Variants in HSF5 observed in about 807,000 individuals in gnomAD.
The protein encoded by HSF5 is heat shock factor protein 5.
HSF5 carries 5 observed loss-of-function variants against 50.8 expected under a neutral mutation model. The ratio of observed to expected loss-of-function variants is 0.10; its 90% CI spans 0.05 to 0.21. The LOEUF (loss-of-function observed/expected upper bound fraction) is 0.21. Ranked by LOEUF, HSF5 falls within the 10% of genes least tolerant of loss-of-function variation. HSF5 has a pLI of 1.00. For missense variants in HSF5, 564 were observed against 762.6 expected (o/e 0.74, Z 3.07); for synonymous variants, 307 against 307.4 (o/e 1.00, Z 0.02).
intron 5 of HSF5, among the ~76,000 whole-genome samples, chr17:58,422,751 G>A (rs1282181643): frequency 3.4e-5 from 5 of 148,952 alleles, no homozygotes; most frequent in South Asian, 2.1e-4. Context: ...GCTGGAGTAC[G>A]GCGGCACAAT....
chr17:58,425,575 C>CAAAAAAAAAAAA (rs66502039), intron 5 of HSF5, among the ~76,000 whole-genome samples: 20 of 32,986 alleles, frequency 6.1e-4, no homozygotes, highest in African/African-American at 2.2e-3. Context: ...ACCTCTATCT[C>CAAAAAAAAAAAA]AAAAAAAAAA....
At chr17:58,441,949 G>C (rs376623972) in intron 5 of HSF5, among the ~76,000 whole-genome samples, 296 of 152,294 alleles carry the variant, frequency 1.9e-3, no homozygotes, top group Non-Finnish European at 3.3e-3. Context: ...TGTGAGTGAG[G>C]GGGGAGGATG....
At chr17:58,469,190 G>A (rs1244110134) in intron 2 of HSF5, among the ~76,000 whole-genome samples, 11 of 151,902 alleles carry the variant, frequency 7.2e-5, no homozygotes, top group Non-Finnish European at 7.4e-5. Flanking sequence ...GGAGCTGCAG[G>A]TCCATTCCAT....
chr17:58,446,537 G>T (rs1974564915), intron 5 of HSF5, among the ~76,000 whole-genome samples: 1 of 152,010 alleles, frequency 6.6e-6, no homozygotes, highest in Non-Finnish European at 1.5e-5. Flanking sequence ...CCCATGGAAG[G>T]GGCATTCAGA....
At chr17:58,433,644 G>T (rs1474513193) in intron 5 of HSF5, among the ~76,000 whole-genome samples, 1 of 152,204 alleles carries the variant, frequency 6.6e-6, no homozygotes. Flanking sequence ...CCACAAGCCA[G>T]AAGAAAGCAT....
Position 58,465,182 on chromosome 17 carries a change from CTTT to C in HSF5, c.1020+1700_1020+1702del, listed in dbSNP as rs529950180. ...CCTTCTTCCTTCCTTTATTTCTTTT[CTTT>C]TTTTTTTTTTTTTTAAGAGATAGGG... On this transcript the variant is annotated intron_variant, in intron 3 of 5. Coordinates refer to ENST00000323777, the MANE Select transcript of HSF5 (RefSeq NM_001080439.3). Among the ~76,000 whole-genome samples, 3 of 69,340 alleles carry C rather than the reference CTTT, an allele frequency of 4.3e-5. No homozygotes were observed. In the Admixed American group the frequency reaches 5.4e-4, roughly 13 times the overall value. The allele number at this position is 69,340 out of a possible 152,430, so 45.5% of individuals were successfully genotyped here.
chr17:58,460,255 G>A (rs1383466100), intron 4 of HSF5, among the ~76,000 whole-genome samples: 1 of 152,062 alleles, frequency 6.6e-6, no homozygotes, highest in Non-Finnish European at 1.5e-5. Flanking sequence ...CTGGGTTCAA[G>A]CGATCCTCCC....
intron 5 of HSF5, among the ~76,000 whole-genome samples, chr17:58,424,291 A>G (rs1484466386): frequency 6.6e-6 from 1 of 152,222 alleles, no homozygotes; most frequent in East Asian, 1.9e-4. Context: ...GTATACACAT[A>G]TAACGGAATG....
intron 5 of HSF5, among the ~76,000 whole-genome samples, chr17:58,450,368 T>C (rs373933824): frequency 1.6e-4 from 22 of 138,424 alleles, no homozygotes; most frequent in African/African-American, 5.7e-4. Flanking sequence ...AAAAAAGATA[T>C]GCATAGAATG....
chr17:58,449,699 CAA>C (rs200922146), intron 5 of HSF5, among the ~76,000 whole-genome samples: 68 of 132,708 alleles, frequency 5.1e-4, no homozygotes, highest in Admixed American at 8.2e-4. Flanking sequence ...GGCTCCATCT[CAA>C]AAAAAAAAAA....
At position 58,480,138 on chromosome 17, in the gene HSF5, G is replaced by A; in HGVS notation, c.680C>T (p.Pro227Leu). 1 of 1,614,168 alleles carries A rather than the reference G, an allele frequency of 6.2e-7. No homozygotes were observed. The highest frequency in any genetic ancestry group is 8.5e-7 in the Non-Finnish European group (1 of 1,180,018). ...PLKGLDRTPV[P>L]HRIWQNSLGM... is the part of the protein sequence containing the mutation. ...AAGGGAGTTCTGCCATATTCTATGA[G>A]GAACTGGGGTCCGATCTAAACCTTT... Residue 227 changes from proline to leucine, a missense_variant, in exon 2 of 6, where the codon CCT becomes CTT. Transcript: ENST00000323777.
intron 2 of HSF5, among the ~76,000 whole-genome samples, chr17:58,469,134 T>A (rs1046768455): frequency 6.7e-6 from 1 of 150,068 alleles, no homozygotes; most frequent in African/African-American, 2.4e-5. Flanking sequence ...CCTAGAGTTA[T>A]AGCAGCTAAG....
chr17:58,487,316 G>A (rs1975198673), intron 1 of HSF5, among the ~76,000 whole-genome samples: 2 of 152,202 alleles, frequency 1.3e-5, no homozygotes, highest in African/African-American at 4.8e-5. Flanking sequence ...GTTTCTTCCA[G>A]ACCCAATGTT....
In HSF5 at chr17:58,425,615, G is replaced by T. The variant is rs988314251; in HGVS notation, c.1721-3185C>A. Among the ~76,000 whole-genome samples, 11 of 139,728 alleles carry T rather than the reference G, an allele frequency of 7.9e-5. No individual in the cohort carries two copies. The South Asian group carries it at 2.0e-3, about 26-fold the overall frequency. The allele number at this position is 139,728 out of a possible 152,430, so 91.7% of individuals were successfully genotyped here. A position where few individuals can be genotyped will look rare whatever the true frequency, so the allele number is the denominator to read the frequency against. Reference sequence around the variant, plus strand: ...AAAAAAAAAAAAACAGGTTAAAATGGTAACTTTTATGTTATGCACATTTTA... The same window carrying T: ...AAAAAAAAAAAAACAGGTTAAAATGTTAACTTTTATGTTATGCACATTTTA... On this transcript the variant is annotated intron_variant, in intron 5 of 5. Transcript: ENST00000323777.
In HSF5 at chr17:58,458,877, G is replaced by A; in HGVS notation, c.1611C>T (p.Phe537=). 1 of 1,614,126 alleles carries A rather than the reference G, an allele frequency of 6.2e-7. No individual in the cohort carries two copies. Among genetic ancestry groups the A allele is most frequent in the South Asian group, 1.1e-5 (1 of 91,090 alleles). The change falls in exon 5 of 6, where the codon TTC becomes TTT. Residue 537 remains phenylalanine, a synonymous_variant. Coordinates refer to ENST00000323777, the MANE Select transcript of HSF5 (RefSeq NM_001080439.3). ...ENILPSEQMG[F]LISEMGPASK... ...TAGCAGGCCCCATTTCTGAAATGAG[G>A]AATCCCATCTGTTCTGACGGCAAGA...
chr17:58,476,427 C>T (rs1975012821), intron 2 of HSF5: 1 of 1,055,796 alleles, frequency 9.5e-7, no homozygotes, highest in Admixed American at 1.7e-5. Flanking sequence ...CGGCTTTATT[C>T]TGAGTTTAAC....
chr17:58,460,583 C>T (rs1185764657), intron 4 of HSF5, among the ~76,000 whole-genome samples: 9 of 151,246 alleles, frequency 6.0e-5, no homozygotes, highest in Non-Finnish European at 1.2e-4. Context: ...GATCTCAGCT[C>T]GCCACAAGCT....
intron 1 of HSF5, among the ~76,000 whole-genome samples, chr17:58,487,097 G>A (rs1442308027): frequency 6.6e-6 from 1 of 151,948 alleles, no homozygotes; most frequent in Non-Finnish European, 1.5e-5. Flanking sequence ...TAGTAGAGAC[G>A]AGGTTTCACC....
At chr17:58,451,060 G>A (rs1460995531) in intron 5 of HSF5, among the ~76,000 whole-genome samples, 1 of 152,200 alleles carries the variant, frequency 6.6e-6, no homozygotes, top group East Asian at 1.9e-4. Flanking sequence ...CCACACTCTA[G>A]CCTGACCAAC....
Sources: gnomAD v4.1 joint callset for allele counts (sites outside exome capture counted in the v4.1 genomes callset) on GRCh38, gnomAD v4.1.1 for gene constraint, MANE v1.5 for transcripts, NCBI Gene and HGNC (gene_info 2026-07-23, HGNC 2026-07-21) for gene names.